Variants in RPP40 observed in about 807,000 individuals in gnomAD.
RPP40 encodes ribonuclease P/MRP subunit p40, also known as ribonuclease P protein subunit p40.
Under a neutral mutation model 42.5 loss-of-function variants are expected in RPP40, and 30 were observed. That is an observed-to-expected ratio of 0.71 (90% CI 0.53 to 0.96). RPP40 has a LOEUF of 0.96. Ranked by LOEUF, RPP40 falls within the 40% of genes least tolerant of loss-of-function variation. The pLI, the probability that RPP40 is intolerant of heterozygous loss-of-function variation, is 0.00. For missense variants in RPP40, 426 were observed against 433.5 expected, an observed-to-expected ratio of 0.98 and a Z score of 0.15; for synonymous variants, 173 against 164.0, an observed-to-expected ratio of 1.05 and a Z score of -0.42.
chr6:5,000,814 G>A lies in RPP40; in HGVS notation c.269-183C>T, dbSNP rs1050001088. On this transcript the variant is annotated intron_variant, in intron 2 of 7. Coordinates refer to ENST00000380051, the MANE Select transcript of RPP40 (RefSeq NM_006638.4). ...TAAGCTGCAGCATGCAGAAGACCAA[G>A]CATGCAGAAGACCAAGCATGCAGAA... 2.0e-4 allele frequency among the ~76,000 whole-genome samples: 30 copies of A among 152,032 alleles called. 1 individual carries two copies. Among genetic ancestry groups the A allele is most frequent in the Non-Finnish European group, 1.5e-5 (1 of 68,030 alleles).
intron 5 of RPP40, among the ~76,000 whole-genome samples, chr6:4,997,899 C>T (rs1162876254): frequency 6.6e-6 from 1 of 152,228 alleles, no homozygotes; most frequent in Non-Finnish European, 1.5e-5. Flanking sequence ...GAATAGGGAG[C>T]TATCCAGAAT....
Position 4,996,374 on chromosome 6 carries a change from A to G in RPP40, c.606T>C (p.Ile202=). The change falls in exon 6 of 8, where the codon ATT becomes ATC. Residue 202 remains isoleucine, a synonymous_variant. Transcript: ENST00000380051. ...TMMSYFSKYQ[I]QEHQPKVALS... ...GTGCTACTTTTGGCTGATGCTCCTG[A>G]ATTTGGTACTTGGAAAAATATGACA... 6.2e-7 allele frequency: 1 copy of G among 1,613,934 alleles called. No individual in the cohort carries two copies. Among genetic ancestry groups the G allele is most frequent in the East Asian group, 2.2e-5 (1 of 44,880 alleles).
chr6:4,992,316 C>T (rs1759272180), downstream of RPP40, among the ~76,000 whole-genome samples: 1 of 149,958 alleles, frequency 6.7e-6, no homozygotes, highest in Admixed American at 6.7e-5. Context: ...TTGCAGTGAG[C>T]CGAGATTGCG....
chr6:4,990,054 A>C (rs1183411362), downstream of RPP40, among the ~76,000 whole-genome samples: 1 of 152,198 alleles, frequency 6.6e-6, no homozygotes, highest in East Asian at 1.9e-4. Flanking sequence ...ATTAAGTGTG[A>C]TGTTAGCTGT....
chr6:5,003,771 TCCGCGTACCGCCGGCGGCCCCGCC>T, intron 1 of RPP40, 85 bp downstream of exon 1: 2 of 1,394,978 alleles, frequency 1.4e-6, no homozygotes, highest in Non-Finnish European at 1.9e-6. Context: ...GCCCCGCCCC[TCCGCGTACCGCCGGCGGCCCCGCC>T]CCGCGAAGCC....
chr6:5,003,792 C>G (rs1256090204), intron 1 of RPP40, 88 bp downstream of exon 1: 1 of 1,461,320 alleles, frequency 6.8e-7, no homozygotes, highest in African/African-American at 1.4e-5. Context: ...CCGGCGGCCC[C>G]GCCCCGCGAA....
downstream of RPP40, among the ~76,000 whole-genome samples, chr6:4,990,250 C>T (rs1000964636): frequency 6.6e-6 from 1 of 152,128 alleles, no homozygotes; most frequent in African/African-American, 2.4e-5. Context: ...GTTAAGTCAA[C>T]CCTACACTCC....
At chr6:4,998,617 T>C in intron 5 of RPP40, 99 bp downstream of exon 5, 1 of 790,662 alleles carries the variant, frequency 1.3e-6, no homozygotes, top group Non-Finnish European at 2.0e-6. Flanking sequence ...GAATATTCCT[T>C]GACTAAAGAG....
the RPP40 span, among the ~76,000 whole-genome samples, chr6:4,989,247 T>C: frequency 1.3e-5 from 2 of 152,242 alleles, no homozygotes; most frequent in African/African-American, 4.8e-5. Flanking sequence ...CTTTACATTC[T>C]GGACACAAAT....
chr6:4,993,663 T>C (rs1759292046), downstream of RPP40, among the ~76,000 whole-genome samples: 2 of 152,216 alleles, frequency 1.3e-5, no homozygotes, highest in South Asian at 4.1e-4. Flanking sequence ...GAAATTTCCC[T>C]CTTGAGATTT....
chr6:5,000,438 T>C (rs1294396220), intron 3 of RPP40, 125 bp downstream of exon 3: 4 of 634,346 alleles, frequency 6.3e-6, no homozygotes, highest in Non-Finnish European at 1.1e-5. Flanking sequence ...TACACCTGCT[T>C]TGGCCTCCCA....
Position 5,000,562 on chromosome 6 carries a change from C to CA in RPP40, c.337_337+1insT (p.Gly113ValfsTer9). ...AGAAAGATGAAAAAATAAAGTGTTA[C>CA]CATTTGGTAGCAGGGCAACAGTATT... On this transcript the variant is annotated frameshift_variant and splice_region_variant. Coordinates refer to ENST00000380051, the MANE Select transcript of RPP40 (RefSeq NM_006638.4). LOFTEE classifies it high-confidence loss of function. 6.9e-7 allele frequency: 1 copy of CA among 1,455,476 alleles called. No homozygotes were observed. Among genetic ancestry groups the CA allele is most frequent in the Non-Finnish European group, 9.6e-7 (1 of 1,045,034 alleles). 90.2% of individuals were successfully genotyped at this position (1,455,476 alleles called of 1,614,324 possible).
At chr6:5,002,646 CT>C (rs201143405) in intron 1 of RPP40, among the ~76,000 whole-genome samples, 1,671 of 152,274 alleles carry the variant, frequency 0.011, 29 homozygotes, top group African/African-American at 0.038. Flanking sequence ...ATGAAACAAA[CT>C]ATCTGTCGGG....
At chr6:5,002,057 T>G in intron 2 of RPP40, 44 bp downstream of exon 2, 1 of 1,575,408 alleles carries the variant, frequency 6.3e-7, no homozygotes, top group Non-Finnish European at 8.7e-7. Flanking sequence ...CTCCCTACCC[T>G]TCCTCATCCA....
intron 7 of RPP40, 22 bp downstream of exon 7, chr6:4,995,929 A>G (rs1413332164): frequency 1.2e-6 from 2 of 1,611,144 alleles, no homozygotes; most frequent in Admixed American, 3.3e-5. Context: ...GATGAGCGAT[A>G]TAAAAGGTAA....
In RPP40 at chr6:5,002,233, T is replaced by C; in HGVS notation, c.136A>G (p.Ile46Val). 1 of 1,612,564 alleles carries C rather than the reference T, an allele frequency of 6.2e-7. No homozygotes were observed. Residue 46 changes from isoleucine (I) to valine (V), a missense_variant, in exon 2 of 8, where the codon ATT (isoleucine) becomes GTT (valine). Ile to Val is a conservative substitution (Grantham distance 29). Transcript: ENST00000380051. ...HYYNYRVSFL[I>V]PECGILSEEL... ...TCCGATAGTATCCCACATTCAGGAA[T>C]GAGAAATGAAACCTATTGGAATGTG...
chr6:4,996,609 TTCA>T (rs1759392419), intron 5 of RPP40, among the ~76,000 whole-genome samples, 189 bp from the exon 6 acceptor site: 1 of 152,214 alleles, frequency 6.6e-6, no homozygotes, highest in Admixed American at 6.5e-5. Flanking sequence ...TCTGTAAACG[TTCA>T]TCGTTTTTCA....
At chr6:4,993,001 T>G (rs1308040834), downstream of RPP40, among the ~76,000 whole-genome samples, 1 of 152,238 alleles carries the variant, frequency 6.6e-6, no homozygotes, top group Non-Finnish European at 1.5e-5. Flanking sequence ...CTCCTAATCT[T>G]CAAGCTATTG....
chr6:5,003,625 G>A (rs1759653036), intron 1 of RPP40: 5 of 377,636 alleles, frequency 1.3e-5, no homozygotes, highest in Admixed American at 1.3e-4. Flanking sequence ...CAGCCAGAAC[G>A]CCCCTGACAA....
Sources: allele counts gnomAD v4.1 joint callset (sites outside exome capture counted in the v4.1 genomes callset), GRCh38; gene constraint gnomAD v4.1.1; transcripts MANE v1.5; gene names NCBI Gene and HGNC (gene_info 2026-07-23, HGNC 2026-07-21).